Variants in RHOBTB1 observed in about 807,000 individuals in gnomAD.
The protein encoded by RHOBTB1 is rho-related BTB domain-containing protein 1.
In RHOBTB1, 40 loss-of-function variants were observed where a neutral mutation model predicts 71.6. That is an observed-to-expected ratio of 0.56 (90% confidence interval 0.43 to 0.73). The LOEUF (loss-of-function observed/expected upper bound fraction) is 0.73. Among genes scored for constraint, RHOBTB1 ranks in the 30% least tolerant of loss-of-function variants. The pLI is 0.00. For synonymous variants in RHOBTB1, 319 were observed against 334.9 expected (o/e 0.95, Z 0.52); for missense variants, 797 against 894.0 (o/e 0.89, Z 1.38).
intron 2 of RHOBTB1, among the ~76,000 whole-genome samples, chr10:60,925,724 G>T (rs1392958124): frequency 2.6e-5 from 4 of 152,108 alleles, no homozygotes; most frequent in Non-Finnish European, 5.9e-5. Context: ...ATAAAAAAGA[G>T]ATGTTACAAC....
intron 2 of RHOBTB1, among the ~76,000 whole-genome samples, chr10:60,953,497 G>GT (rs1473023515): frequency 4.6e-5 from 7 of 152,150 alleles, no homozygotes; most frequent in Non-Finnish European, 1.0e-4. Flanking sequence ...TGTCTTAACA[G>GT]TTTTCAATAC....
Position 60,888,876 on chromosome 10 carries a change from T to A in RHOBTB1, c.792A>T (p.Leu264=), listed in dbSNP as rs778696269. ...NEAACLLDNP[L]CADVLFILQD... is the part of the protein sequence containing the mutation. The stretch of plus-strand genomic sequence containing the variant: ...GAAGGATGAACAGAACATCGGCACA[T>A]AGAGGATTGTCCAGTAAACAGGCAG... Residue 264 remains leucine, a synonymous_variant, in exon 6 of 11, where the codon CTA becomes CTT. Transcript: ENST00000337910. The A allele has an allele frequency of 6.2e-7, 1 of 1,614,170 alleles. No homozygotes were observed. Among genetic ancestry groups the A allele is most frequent in the South Asian group, 1.1e-5 (1 of 91,084 alleles).
In RHOBTB1 at chr10:60,888,663, C is replaced by A; in HGVS notation, c.1005G>T (p.Glu335Asp). The change falls in exon 6 of 11, where the codon GAG becomes GAT. Residue 335 changes from glutamate (E) to aspartate (D), a missense_variant. Transcript: ENST00000337910. The part of the protein sequence containing the change: ...LSVDPEEERE[E>D]GPPRIPQADQ... ...CGGCCTGAGGAATCCTAGGCGGGCC[C>A]TCCTCCCTTTCTTCCTCTGGGTCGA... 2 of 1,614,212 alleles carry A rather than the reference C, an allele frequency of 1.2e-6. No individual in the cohort carries two copies. Among genetic ancestry groups the A allele is most frequent in the Non-Finnish European group, 1.7e-6 (2 of 1,180,038 alleles).
the RHOBTB1 span, among the ~76,000 whole-genome samples, chr10:60,863,574 C>T: frequency 2.6e-5 from 4 of 152,048 alleles, no homozygotes; most frequent in African/African-American, 4.8e-5. Context: ...TCCCTGTTGC[C>T]CAGGCTAGAG....
chr10:60,888,555 C>T lies in RHOBTB1; in HGVS notation c.1113G>A (p.Leu371=). ...CAATGAACCCCTTACTCCATCCGGT[C>T]AAAGTCTGTGTCTCAGGAACTGCAC... ...AEGAVPETQT[L]TGWSKGFIGM... is the part of the protein sequence containing the mutation. Residue 371 remains leucine (L), a synonymous_variant, in exon 6 of 11, where the codon TTG becomes TTA. Transcript: ENST00000337910. 1 of 1,614,180 alleles carries T rather than the reference C, an allele frequency of 6.2e-7. No individual in the cohort carries two copies.
Position 60,871,463 on chromosome 10 carries a change from G to GTT in RHOBTB1, c.*17_*18dup. The GTT allele has an allele frequency of 6.2e-7, 1 of 1,604,960 alleles. No individual in the cohort carries two copies. The highest frequency in any genetic ancestry group is 8.5e-7 in the Non-Finnish European group (1 of 1,176,266). On this transcript the variant is annotated 3_prime_UTR_variant, in exon 11 of 11. Coordinates refer to ENST00000337910, the MANE Select transcript of RHOBTB1 (RefSeq NM_014836.5). ...GATTACCGATTGGTTTCTGTTTTTT[G>GTT]TTTTTTTTCTCTTCCTCTTCAGGCC...
chr10:60,872,141 G>C (rs542698301), intron 10 of RHOBTB1, 44 bp downstream of exon 10: 9 of 1,365,404 alleles, frequency 6.6e-6, no homozygotes, highest in South Asian at 1.2e-5. Context: ...GCTTCCATGA[G>C]AGGTGAGGAG....
rs188491134 is a variant in RHOBTB1 at position 60,870,225 on chromosome 10, C to T, written c.*1257G>A. 1.3e-5 allele frequency: 2 copies of T among 152,572 alleles called. No individual in the cohort carries two copies. Among genetic ancestry groups the T allele is most frequent in the East Asian group, 3.9e-4 (2 of 5,186 alleles). 9.5% of individuals were successfully genotyped at this position (152,572 alleles called of 1,614,324 possible). On this transcript the variant is annotated 3_prime_UTR_variant, in exon 11 of 11. Coordinates refer to ENST00000337910, the MANE Select transcript of RHOBTB1 (RefSeq NM_014836.5). Reference sequence around the variant, plus strand: ...GAAAGCTCCCCTGCTGTCACACTTCCTAGTTTAACACTGAAAACTCAGAAT... The same window carrying T: ...GAAAGCTCCCCTGCTGTCACACTTCTTAGTTTAACACTGAAAACTCAGAAT...
In RHOBTB1 at chr10:60,917,941, T is replaced by C. The variant is rs188216746; in HGVS notation, c.-10-6389A>G. ...CTTTTTTCTCTGTATCAATAAAGAGTTCTAGCAGAAGCAATTACAAACAAA... is the reference window on the plus strand; with the variant it reads ...CTTTTTTCTCTGTATCAATAAAGAGCTCTAGCAGAAGCAATTACAAACAAA... On this transcript the variant is annotated intron_variant, in intron 2 of 10. Coordinates refer to ENST00000337910, the MANE Select transcript of RHOBTB1 (RefSeq NM_014836.5). Among the ~76,000 whole-genome samples the C allele has an allele frequency of 4.4e-3, 667 of 152,030 alleles. 2 individuals carry two copies. The highest frequency in any genetic ancestry group is 7.3e-3 in the Non-Finnish European group (499 of 67,968).
intron 2 of RHOBTB1, among the ~76,000 whole-genome samples, chr10:60,967,552 A>G (rs1402651245): frequency 2.6e-5 from 4 of 152,218 alleles, no homozygotes; most frequent in African/African-American, 9.6e-5. Flanking sequence ...TGAGAAAAAG[A>G]ACAGAGCTGT....
intron 2 of RHOBTB1, among the ~76,000 whole-genome samples, chr10:60,914,849 C>A (rs2083184270): frequency 6.6e-6 from 1 of 152,178 alleles, no homozygotes; most frequent in African/African-American, 2.4e-5. Context: ...GTCCTCTAAT[C>A]CCTAGCAGTC....
At chr10:60,868,297 A>C (rs1321875605), downstream of RHOBTB1, among the ~76,000 whole-genome samples, 2 of 151,884 alleles carry the variant, frequency 1.3e-5, no homozygotes, top group Non-Finnish European at 2.9e-5. Flanking sequence ...CTCTCTATCT[A>C]TCTATCATCT....
chr10:60,876,450 C>T (rs1432141943), intron 8 of RHOBTB1, among the ~76,000 whole-genome samples: 1 of 152,076 alleles, frequency 6.6e-6, no homozygotes, highest in Non-Finnish European at 1.5e-5. Context: ...CATTGCCAGA[C>T]TTAATATTTA....
At chr10:60,988,331 T>G (rs1165771121) in intron 1 of RHOBTB1, among the ~76,000 whole-genome samples, 1 of 152,198 alleles carries the variant, frequency 6.6e-6, no homozygotes, top group Non-Finnish European at 1.5e-5. Flanking sequence ...TATTTTATAT[T>G]CAAGGGATAC....
At position 60,937,285 on chromosome 10, in the gene RHOBTB1, G is replaced by A. The variant is rs542680270; in HGVS notation, c.-11+4519C>T. On this transcript the variant is annotated intron_variant, in intron 2 of 10. Coordinates refer to ENST00000337910, the MANE Select transcript of RHOBTB1 (RefSeq NM_014836.5). Reference sequence around the variant, plus strand: ...TATCAAGTGCTGCAGATGAAATGGGGAAATTGTGGTGTTTATGCTTTTCCT... The same window carrying A: ...TATCAAGTGCTGCAGATGAAATGGGAAAATTGTGGTGTTTATGCTTTTCCT... 1.1e-4 allele frequency among the ~76,000 whole-genome samples: 16 copies of A among 152,272 alleles called. No individual in the cohort carries two copies. The South Asian group carries it at 3.3e-3, about 32-fold the overall frequency.
At chr10:60,954,431 C>A (rs546364429) in intron 2 of RHOBTB1, among the ~76,000 whole-genome samples, 2 of 152,238 alleles carry the variant, frequency 1.3e-5, no homozygotes, top group East Asian at 3.9e-4. Flanking sequence ...TGAATGAATT[C>A]TTTCCATGTT....
chr10:60,939,608 G>C (rs972433973), intron 2 of RHOBTB1, among the ~76,000 whole-genome samples: 2 of 151,982 alleles, frequency 1.3e-5, no homozygotes, highest in African/African-American at 4.8e-5. Flanking sequence ...GATGTTGGTG[G>C]GAAGCCTGGC....
chr10:60,972,261 A>G (rs2086182859), intron 2 of RHOBTB1, among the ~76,000 whole-genome samples: 1 of 152,186 alleles, frequency 6.6e-6, no homozygotes, highest in Non-Finnish European at 1.5e-5. Flanking sequence ...GGCACTATTC[A>G]CAATAGCAAA....
At chr10:60,861,829 A>G in the RHOBTB1 span, among the ~76,000 whole-genome samples, 1 of 151,852 alleles carries the variant, frequency 6.6e-6, no homozygotes, top group East Asian at 1.9e-4. Context: ...CTCTCCCTCC[A>G]CTCCCCCAGC....
Sources: gnomAD v4.1 joint callset for allele counts (sites outside exome capture counted in the v4.1 genomes callset) on GRCh38, gnomAD v4.1.1 for gene constraint, MANE v1.5 for transcripts, NCBI Gene and HGNC (gene_info 2026-07-23, HGNC 2026-07-21) for gene names.